PUDP: variants seen among roughly 807,000 people sequenced by gnomAD.
PUDP encodes pseudouridine 5'-phosphatase.
In PUDP, 8 loss-of-function variants were observed where a neutral mutation model predicts 9.4. The observed-to-expected ratio is 0.85, with a 90% CI of 0.50 to 1.53. The LOEUF (loss-of-function observed/expected upper bound fraction) is 1.53. Ranked by LOEUF, PUDP falls within the 40% of genes most tolerant of loss-of-function variation. PUDP has a pLI of 0.00. For synonymous variants in PUDP, 99 were observed against 80.7 expected, an observed-to-expected ratio of 1.23 and a Z score of -1.22; for missense variants, 188 against 189.7, an observed-to-expected ratio of 0.99 and a Z score of 0.05.
intron 3 of PUDP, among the ~76,000 whole-genome samples, chrX:6,814,590 G>A (rs193241903): frequency 3.1e-3 from 350 of 111,585 alleles, no homozygotes; most frequent in Non-Finnish European, 5.1e-3. Context: ...AAAGTTTGAT[G>A]GCCTGTGGGA....
intron 2 of PUDP, among the ~76,000 whole-genome samples, chrX:7,080,685 G>C (rs1931053591): frequency 8.9e-6 from 1 of 111,985 alleles, no homozygotes; most frequent in East Asian, 2.8e-4. Flanking sequence ...TAGTATCACA[G>C]AGGACTATAT....
chrX:6,968,427 T>G (rs1381126055), intron 3 of PUDP, among the ~76,000 whole-genome samples: 1 of 111,467 alleles, frequency 9.0e-6, no homozygotes, highest in Non-Finnish European at 1.9e-5. Flanking sequence ...ATGTGAAAAC[T>G]TTGGCCCTGT....
intron 3 of PUDP, among the ~76,000 whole-genome samples, chrX:6,748,271 T>A (rs1023222187): frequency 1.3e-4 from 14 of 111,564 alleles, no homozygotes; most frequent in Non-Finnish European, 2.3e-4. Flanking sequence ...GGGCCCAGAG[T>A]CTGAATAATT....
intron 3 of PUDP, among the ~76,000 whole-genome samples, chrX:6,772,905 CAAAA>C (rs1249517334): frequency 3.6e-5 from 4 of 111,344 alleles, no homozygotes; most frequent in African/African-American, 9.8e-5. Flanking sequence ...AACAAAAAGA[CAAAA>C]AAAGACAAGT....
intron 3 of PUDP, among the ~76,000 whole-genome samples, chrX:6,770,987 G>T (rs1925355252): frequency 8.9e-6 from 1 of 111,829 alleles, no homozygotes; most frequent in African/African-American, 3.2e-5. Flanking sequence ...ATATAGAAAA[G>T]TTAAATCATT....
intron 3 of PUDP, among the ~76,000 whole-genome samples, chrX:6,941,330 T>C (rs1203628030): frequency 9.6e-6 from 1 of 104,081 alleles, no homozygotes; most frequent in Non-Finnish European, 1.9e-5. Flanking sequence ...TTTTTTCTTT[T>C]TCTTTTCTGT....
At chrX:6,711,285 T>C (rs1924529408) in intron 1 of PUDP, among the ~76,000 whole-genome samples, 1 of 111,463 alleles carries the variant, frequency 9.0e-6, no homozygotes, top group Admixed American at 9.5e-5. Context: ...GAAAAGGGCC[T>C]GATCTAAAGC....
chrX:7,003,751 G>A (rs888357307), intron 1 of PUDP, among the ~76,000 whole-genome samples: 1 of 112,037 alleles, frequency 8.9e-6, no homozygotes, highest in African/African-American at 3.3e-5. Context: ...TTGGGAAAGA[G>A]AGTATTTATG....
At chrX:6,979,096 AAC>A (rs747912761) in intron 1 of PUDP, among the ~76,000 whole-genome samples, 63 of 112,425 alleles carry the variant, frequency 5.6e-4, no homozygotes, top group African/African-American at 2.0e-3. Context: ...ATAATGCTAT[AAC>A]ACAATGTTAT....
At chrX:6,810,694 G>A (rs1175205364) in intron 3 of PUDP, among the ~76,000 whole-genome samples, 5 of 111,818 alleles carry the variant, frequency 4.5e-5, no homozygotes. Flanking sequence ...TGATTGAACT[G>A]AGAAATTACT....
In PUDP at chrX:7,127,590, C is replaced by T. The variant is rs1201234046; in HGVS notation, c.61+20463G>A. Among the ~76,000 whole-genome samples, 3 of 112,231 alleles carry T rather than the reference C, an allele frequency of 2.7e-5. No homozygotes were observed. The Admixed American group carries it at 2.8e-4, about 11-fold the overall frequency. On this transcript the variant is annotated intron_variant, in intron 1 of 3. Transcript: ENST00000381077. ...AAGTACCTGGGAGGGAACTGTTTTC[C>T]TTAATGAACAGACATCTCTCAACTC...
chrX:6,968,899 C>A (rs752044956), intron 3 of PUDP, among the ~76,000 whole-genome samples: 13 of 112,136 alleles, frequency 1.2e-4, no homozygotes, highest in African/African-American at 3.9e-4. Flanking sequence ...GGTTTACAGG[C>A]GTGAGCCACC....
chrX:6,979,047 T>C (rs1414012220), intron 1 of PUDP, among the ~76,000 whole-genome samples: 2 of 98,428 alleles, frequency 2.0e-5, no homozygotes, highest in Non-Finnish European at 4.5e-5. Context: ...TGAGGGTTGT[T>C]TCTCGATTAA....
At chrX:6,934,506 C>T (rs1272054019) in intron 3 of PUDP, among the ~76,000 whole-genome samples, 25 of 109,821 alleles carry the variant, frequency 2.3e-4, no homozygotes, top group African/African-American at 5.6e-4. Context: ...AAGGAACAAC[C>T]GGTACCAGCC....
chrX:6,985,437 A>G (rs950586717), intron 1 of PUDP, among the ~76,000 whole-genome samples: 1 of 110,938 alleles, frequency 9.0e-6, no homozygotes, highest in Non-Finnish European at 1.9e-5. Flanking sequence ...TTAGTCCCCA[A>G]TAAAGCTTGT....
chrX:6,711,793 A>G (rs989835999), intron 1 of PUDP, among the ~76,000 whole-genome samples: 3 of 112,180 alleles, frequency 2.7e-5, no homozygotes, highest in African/African-American at 9.7e-5. Context: ...ATTGTGTCCA[A>G]TTCACCGCAG....
At chrX:6,892,712 A>C (rs2146746906) in intron 3 of PUDP, among the ~76,000 whole-genome samples, 1 of 111,507 alleles carries the variant, frequency 9.0e-6, no homozygotes. Flanking sequence ...GCCTATGAGA[A>C]AGTGATAAAG....
At chrX:6,837,058 CAA>C (rs1238082008) in intron 3 of PUDP, among the ~76,000 whole-genome samples, 87 of 112,480 alleles carry the variant, frequency 7.7e-4, no homozygotes, top group African/African-American at 2.7e-3. Flanking sequence ...TTAAATTGTG[CAA>C]TCCATGTCAC....
At chrX:6,843,603 G>C (rs747845343) in intron 3 of PUDP, among the ~76,000 whole-genome samples, 1 of 111,678 alleles carries the variant, frequency 9.0e-6, no homozygotes, top group South Asian at 3.8e-4. Flanking sequence ...AGAAAAAGGT[G>C]AATCAACAGC....
Sources: allele counts gnomAD v4.1 joint callset (sites outside exome capture counted in the v4.1 genomes callset), GRCh38; gene constraint gnomAD v4.1.1; transcripts MANE v1.5; gene names NCBI Gene and HGNC (gene_info 2026-07-23, HGNC 2026-07-21).